Variants in ANKS1B observed in about 807,000 individuals in gnomAD.
ANKS1B encodes the protein ankyrin repeat and sterile alpha motif domain containing 1B.
In ANKS1B, 36 loss-of-function variants were observed where a neutral mutation model predicts 148.3. The observed-to-expected ratio is 0.24, with a 90% CI of 0.19 to 0.32. The LOEUF is 0.32. ANKS1B is among the 10% of genes least tolerant of loss of function. The probability of loss-of-function intolerance (pLI) is 1.00; values close to 1 mark genes in which losing one functional copy is unlikely to be tolerated. For missense variants in ANKS1B, 1,157 were observed against 1,542.6 expected, an observed-to-expected ratio of 0.75 and a Z score of 4.19; for synonymous variants, 542 against 560.8, an observed-to-expected ratio of 0.97 and a Z score of 0.47.
intron 16 of ANKS1B, among the ~76,000 whole-genome samples, chr12:99,060,989 C>A (rs1324515695): frequency 6.6e-6 from 1 of 152,078 alleles, no homozygotes; most frequent in Non-Finnish European, 1.5e-5. Flanking sequence ...GGATAAGGAA[C>A]CCTGAAAAGC....
intron 14 of ANKS1B, among the ~76,000 whole-genome samples, chr12:99,212,065 G>T (rs1197484114): frequency 6.6e-6 from 1 of 152,178 alleles, no homozygotes; most frequent in Non-Finnish European, 1.5e-5. Flanking sequence ...AAGGAAAAAA[G>T]TCCATTCTGC....
At position 99,154,301 on chromosome 12, in the gene ANKS1B, A is replaced by G. The variant is rs1368848555; in HGVS notation, c.2514T>C (p.Asn838=). 1.2e-5 allele frequency: 19 copies of G among 1,613,544 alleles called. No homozygotes were observed. Among genetic ancestry groups the G allele is most frequent in the Admixed American group, 1.7e-5 (1 of 59,978 alleles). Residue 838 remains asparagine, a synonymous_variant, in exon 15 of 27, where the codon AAT becomes AAC. Coordinates refer to ENST00000683438, the MANE Select transcript of ANKS1B (RefSeq NM_001352186.2). ...ENHLMANGFD[N]VQFMGSNVME... ...GAGAGCTTCTTACCATAAACTGCAC[A>G]TTGTCAAATCCATTAGCCATCAGGT...
intron 6 of ANKS1B, among the ~76,000 whole-genome samples, chr12:99,777,162 A>G (rs2063736021): frequency 6.6e-6 from 1 of 152,216 alleles, no homozygotes; most frequent in African/African-American, 2.4e-5. Context: ...CATACAGAGC[A>G]TTTGCTTATA....
intron 1 of ANKS1B, among the ~76,000 whole-genome samples, chr12:99,957,455 T>C (rs531560345): frequency 3.3e-5 from 5 of 152,360 alleles, no homozygotes; most frequent in African/African-American, 1.2e-4. Flanking sequence ...TAGTGAAAAG[T>C]AGAAACTATG....
intron 20 of ANKS1B, among the ~76,000 whole-genome samples, chr12:98,807,620 T>C (rs1459388689): frequency 1.3e-5 from 2 of 152,172 alleles, no homozygotes; most frequent in Non-Finnish European, 2.9e-5. Flanking sequence ...ATTTTAACCA[T>C]ACACTTTAAA....
At chr12:99,762,148 T>C (rs1439631006) in intron 8 of ANKS1B, among the ~76,000 whole-genome samples, 4 of 152,068 alleles carry the variant, frequency 2.6e-5, no homozygotes, top group Non-Finnish European at 4.4e-5. Flanking sequence ...ATTGAATGTA[T>C]TCTTATTAAA....
chr12:98,860,381 C>G (rs540919618), intron 17 of ANKS1B, among the ~76,000 whole-genome samples: 1 of 152,314 alleles, frequency 6.6e-6, no homozygotes, highest in East Asian at 1.9e-4. Context: ...TTGTCTATCT[C>G]TGCTCCTTAG....
intron 14 of ANKS1B, among the ~76,000 whole-genome samples, chr12:99,189,675 T>C (rs1426456098): frequency 1.3e-5 from 2 of 152,178 alleles, no homozygotes; most frequent in Non-Finnish European, 2.9e-5. Context: ...AAGCTAGGTA[T>C]TGACGGAACT....
At chr12:99,097,944 G>C (rs1453894096) in intron 15 of ANKS1B, among the ~76,000 whole-genome samples, 6 of 152,162 alleles carry the variant, frequency 3.9e-5, no homozygotes, top group Non-Finnish European at 1.5e-5. Context: ...CTTCAGATAA[G>C]TGTTCAGTAT....
chr12:99,735,461 T>C (rs762329426), intron 8 of ANKS1B, among the ~76,000 whole-genome samples: 86 of 151,922 alleles, frequency 5.7e-4, no homozygotes, highest in Non-Finnish European at 1.0e-3. Flanking sequence ...ATACAAAATA[T>C]CATCAGAGAC....
intron 9 of ANKS1B, among the ~76,000 whole-genome samples, chr12:99,543,386 T>C (rs907489885): frequency 3.0e-4 from 45 of 152,148 alleles, no homozygotes; most frequent in African/African-American, 1.1e-3. Flanking sequence ...TGTAAAATAG[T>C]GTAACCACTT....
rs552474950 is a variant in ANKS1B, at chr12:99,689,555, T to G, written c.1129-34345A>C. Reference sequence around the variant, plus strand: ...CCTGGCCAAAGAAGTTATGTAGATGTAATCAAGCTGGGTTAGCTCAAGTTA... The same window carrying G: ...CCTGGCCAAAGAAGTTATGTAGATGGAATCAAGCTGGGTTAGCTCAAGTTA... On this transcript the variant is annotated intron_variant, in intron 8 of 26. Coordinates refer to ENST00000683438, the MANE Select transcript of ANKS1B (RefSeq NM_001352186.2). 2.0e-5 allele frequency among the ~76,000 whole-genome samples: 3 copies of G among 152,306 alleles called. No individual in the cohort carries two copies. In the South Asian group the frequency reaches 6.2e-4, roughly 32 times the overall value.
Position 99,134,688 on chromosome 12 carries a change from CA to C in ANKS1B, c.2526+19600del, listed in dbSNP as rs2067376958. On this transcript the variant is annotated intron_variant, in intron 15 of 26. Transcript: ENST00000683438. ...ACACACACACACACACACACACACACACACACACACACCAGGCATTTACCCT... is the reference window on the plus strand; with the variant it reads ...ACACACACACACACACACACACACACCACACACACACCAGGCATTTACCCT... Among the ~76,000 whole-genome samples, 4 of 132,212 alleles carry C rather than the reference CA, an allele frequency of 3.0e-5. 1 individual carries two copies. The highest frequency in any genetic ancestry group is 5.0e-4 in the East Asian group (2 of 3,976). The allele number at this position is 132,212 out of a possible 152,430, so 86.7% of individuals were successfully genotyped here. A position where few individuals can be genotyped will look rare whatever the true frequency, so the allele number is the denominator to read the frequency against.
chr12:99,261,169 G>A (rs138886424), intron 12 of ANKS1B, among the ~76,000 whole-genome samples: 56 of 152,104 alleles, frequency 3.7e-4, no homozygotes, highest in African/African-American at 1.3e-3. Context: ...TACCTCCACC[G>A]AATAGCCCTT....
intron 11 of ANKS1B, among the ~76,000 whole-genome samples, chr12:99,417,999 TGAGA>T (rs2094961037): frequency 6.6e-6 from 1 of 152,144 alleles, no homozygotes; most frequent in Non-Finnish European, 1.5e-5. Context: ...CCTTCAGAAA[TGAGA>T]GAGAAATAGT....
chr12:99,304,822 A>G (rs532143835), intron 12 of ANKS1B, among the ~76,000 whole-genome samples: 1 of 152,226 alleles, frequency 6.6e-6, no homozygotes, highest in South Asian at 2.1e-4. Flanking sequence ...TTTGGTAGGA[A>G]GTCATCCTGA....
intron 9 of ANKS1B, among the ~76,000 whole-genome samples, chr12:99,540,386 T>G (rs2097113433): frequency 6.6e-6 from 1 of 152,132 alleles, no homozygotes; most frequent in African/African-American, 2.4e-5. Flanking sequence ...ACGTGAAACA[T>G]CCTGCAGAAT....
chr12:99,807,459 G>T (rs1036134274), intron 3 of ANKS1B, among the ~76,000 whole-genome samples: 1 of 152,106 alleles, frequency 6.6e-6, no homozygotes, highest in Admixed American at 6.6e-5. Flanking sequence ...CAGACTATTT[G>T]AGCAATATAG....
intron 15 of ANKS1B, among the ~76,000 whole-genome samples, chr12:99,134,153 A>T (rs1262091634): frequency 6.6e-6 from 1 of 152,154 alleles, no homozygotes; most frequent in Non-Finnish European, 1.5e-5. Flanking sequence ...GTATCATCTA[A>T]TGAATAAAGA....
Sources: gnomAD v4.1 joint callset for allele counts (sites outside exome capture counted in the v4.1 genomes callset) on GRCh38, gnomAD v4.1.1 for gene constraint, MANE v1.5 for transcripts, NCBI Gene and HGNC (gene_info 2026-07-23, HGNC 2026-07-21) for gene names.